The following CLIP4 variants were observed in gnomAD, a reference collection of about 807,000 sequenced individuals.
The protein encoded by CLIP4 is CAP-Gly domain containing linker protein family member 4, also known as CAP-Gly domain-containing linker protein 4.
In CLIP4, 47 loss-of-function variants were observed where a neutral mutation model predicts 73.1. The ratio of observed to expected loss-of-function variants is 0.64; its 90% CI spans 0.51 to 0.82. The LOEUF (loss-of-function observed/expected upper bound fraction) is 0.82. Among genes scored for constraint, CLIP4 ranks in the 40% least tolerant of loss-of-function variants. The probability of loss-of-function intolerance (pLI) is 0.00; values close to 1 mark genes in which losing one functional copy is unlikely to be tolerated. For synonymous variants in CLIP4, 306 were observed against 295.4 expected (o/e 1.04, Z -0.37); for missense variants, 874 against 852.9 (o/e 1.02, Z -0.31).
chr2:29,108,572 G>A (rs1572856769), intron 1 of CLIP4, among the ~76,000 whole-genome samples: 1 of 152,194 alleles, frequency 6.6e-6, no homozygotes, highest in Non-Finnish European at 1.5e-5. Context: ...CACAGAAAGT[G>A]AAACTGCCGA....
rs576816148 is a variant in CLIP4 at position 29,182,916 on chromosome 2, G to A, written c.*1023G>A. 2 of 152,670 alleles carry A rather than the reference G, an allele frequency of 1.3e-5. No homozygotes were observed. Among genetic ancestry groups the A allele is most frequent in the African/African-American group, 4.8e-5 (2 of 41,544 alleles). 9.5% of individuals were successfully genotyped at this position (152,670 alleles called of 1,614,324 possible). Reference sequence around the variant, plus strand: ...AAGATATATCAGGAAGGATGTATTAGTTATTTACTTAAATGTTTATAATAT... The same window carrying A: ...AAGATATATCAGGAAGGATGTATTAATTATTTACTTAAATGTTTATAATAT... On this transcript the variant is annotated 3_prime_UTR_variant, in exon 16 of 16. Coordinates refer to ENST00000320081, the MANE Select transcript of CLIP4 (RefSeq NM_024692.6).
At position 29,100,688 on chromosome 2, in the gene CLIP4, A is replaced by G. The variant is rs575775826; in HGVS notation, c.-16+2741A>G. Among the ~76,000 whole-genome samples the G allele has an allele frequency of 2.3e-4, 35 of 151,910 alleles. No homozygotes were observed. The South Asian group carries it at 7.3e-3, about 32-fold the overall frequency. ...AAGAGGAAGGCTCTGGAAGTGAGGTAGGAATGGGATAAGTGCAGGTAGATT... is the reference window on the plus strand; with the variant it reads ...AAGAGGAAGGCTCTGGAAGTGAGGTGGGAATGGGATAAGTGCAGGTAGATT... On this transcript the variant is annotated intron_variant, in intron 1 of 14. Transcript: ENST00000401605.
At chr2:29,181,509 T>C (rs1412576188) in intron 15 of CLIP4, 63 bp from the exon 16 acceptor site, 2 of 1,268,798 alleles carry the variant, frequency 1.6e-6, no homozygotes, top group Admixed American at 2.3e-5. Flanking sequence ...GAAATGAATA[T>C]GATGCATTGC....
intron 15 of CLIP4, chr2:29,174,786 A>C: frequency 1.9e-6 from 1 of 514,844 alleles, no homozygotes; most frequent in Non-Finnish European, 2.5e-6. Context: ...TTGATTTAAT[A>C]TTGTCAGTGA....
chr2:29,106,958 G>A (rs530589079), intron 1 of CLIP4, among the ~76,000 whole-genome samples: 41 of 152,244 alleles, frequency 2.7e-4, no homozygotes, highest in Non-Finnish European at 4.4e-4. Context: ...TTTCAAATAT[G>A]GTTAGGTGGG....
At chr2:29,166,832 G>A (rs1667654755) in intron 13 of CLIP4, among the ~76,000 whole-genome samples, 1 of 152,152 alleles carries the variant, frequency 6.6e-6, no homozygotes, top group South Asian at 2.1e-4. Flanking sequence ...TTTCTTGATG[G>A]TAATAAGATA....
At chr2:29,138,842 T>G (rs1665559901) in intron 6 of CLIP4, among the ~76,000 whole-genome samples, 1 of 152,174 alleles carries the variant, frequency 6.6e-6, no homozygotes, top group Non-Finnish European at 1.5e-5. Flanking sequence ...TTTCGTATAT[T>G]GATTTTGTGT....
At chr2:29,102,412 C>T (rs1318698195) in intron 1 of CLIP4, among the ~76,000 whole-genome samples, 2 of 152,054 alleles carry the variant, frequency 1.3e-5, no homozygotes, top group African/African-American at 2.4e-5. Flanking sequence ...AGGTATCCGC[C>T]CCTTCTCTGT....
chr2:29,121,579 GC>G, intron 2 of CLIP4, 58 bp downstream of exon 2: 1 of 1,572,734 alleles, frequency 6.4e-7, no homozygotes. Flanking sequence ...TCTCTGTTAC[GC>G]CTTTTTTGCA....
At chr2:29,116,039 A>G (rs950516574) in intron 1 of CLIP4, among the ~76,000 whole-genome samples, 1 of 152,078 alleles carries the variant, frequency 6.6e-6, no homozygotes, top group Non-Finnish European at 1.5e-5. Context: ...TGGCTTTCCA[A>G]CGCGGCCTCT....
At chr2:29,134,079 C>T (rs554567602) in intron 5 of CLIP4, among the ~76,000 whole-genome samples, 11 of 152,030 alleles carry the variant, frequency 7.2e-5, no homozygotes, top group South Asian at 2.1e-4. Context: ...CAGTATAACA[C>T]GGATGTTTTA....
At chr2:29,117,491 C>T (rs1352225231) in intron 1 of CLIP4, among the ~76,000 whole-genome samples, 2 of 152,092 alleles carry the variant, frequency 1.3e-5, no homozygotes, top group East Asian at 3.9e-4. Flanking sequence ...TTACAGGCGC[C>T]TGCTACCACA....
intron 15 of CLIP4, among the ~76,000 whole-genome samples, chr2:29,175,784 CAG>C (rs1668291060): frequency 2.0e-5 from 3 of 152,136 alleles, no homozygotes; most frequent in Admixed American, 1.3e-4. Flanking sequence ...ATTTTTGAGA[CAG>C]AGTCTTGCTC....
At chr2:29,149,827 C>T (rs1666429695) in intron 8 of CLIP4, among the ~76,000 whole-genome samples, 1 of 151,574 alleles carries the variant, frequency 6.6e-6, no homozygotes, top group South Asian at 2.1e-4. Context: ...ATTTAATACA[C>T]AAATATACTT....
In CLIP4 at chr2:29,143,750, A is replaced by C. The variant is rs1041257508; in HGVS notation, c.690A>C (p.Pro230=). 4.3e-6 allele frequency: 7 copies of C among 1,613,940 alleles called. No homozygotes were observed. The East Asian group carries it at 1.1e-4, about 26-fold the overall frequency. Reference sequence around the variant, plus strand: ...TCCCTGCTGATGTTGTTCCAGACCCAGTAGATATGCCGTTAGAGATGGCTG... The same window carrying C: ...TCCCTGCTGATGTTGTTCCAGACCCCGTAGATATGCCGTTAGAGATGGCTG... ...GQIPADVVPD[P]VDMPLEMADA... The change falls in exon 7 of 16, where the codon CCA becomes CCC. Residue 230 remains proline (P), a synonymous_variant. Coordinates refer to ENST00000320081, the MANE Select transcript of CLIP4 (RefSeq NM_024692.6).
intron 1 of CLIP4, among the ~76,000 whole-genome samples, chr2:29,116,697 C>T (rs77118231): frequency 6.6e-5 from 10 of 152,168 alleles, no homozygotes; most frequent in Admixed American, 3.3e-4. Flanking sequence ...ATTTTGCTTT[C>T]GTAAATATGA....
intron 9 of CLIP4, among the ~76,000 whole-genome samples, chr2:29,153,810 A>C (rs959148864): frequency 6.6e-6 from 1 of 152,188 alleles, no homozygotes; most frequent in Non-Finnish European, 1.5e-5. Flanking sequence ...TGCACTCCAT[A>C]ATAAGTAGTT....
intron 6 of CLIP4, among the ~76,000 whole-genome samples, chr2:29,143,071 A>G (rs1216295978): frequency 6.6e-6 from 1 of 152,214 alleles, no homozygotes; most frequent in Non-Finnish European, 1.5e-5. Flanking sequence ...GAGTTACCCC[A>G]TGAATGGGCA....
At chr2:29,175,494 G>C (rs1287513502) in intron 15 of CLIP4, 1 of 152,218 alleles carries the variant, frequency 6.6e-6, no homozygotes, top group Non-Finnish European at 1.5e-5. Context: ...GATTCTGAAG[G>C]GGGAGAGGTG....
Sources: gnomAD v4.1 joint callset for allele counts (sites outside exome capture counted in the v4.1 genomes callset) on GRCh38, gnomAD v4.1.1 for gene constraint, MANE v1.5 for transcripts, NCBI Gene and HGNC (gene_info 2026-07-23, HGNC 2026-07-21) for gene names.